AMPD3: variants seen among roughly 807,000 people sequenced by gnomAD.
AMPD3 encodes the protein adenosine monophosphate deaminase 3.
In AMPD3, 57 loss-of-function variants were observed where a neutral mutation model predicts 82.3. The ratio of observed to expected loss-of-function variants is 0.69; its 90% CI spans 0.56 to 0.86. The LOEUF is 0.86. Ranked by LOEUF, AMPD3 falls within the 40% of genes least tolerant of loss-of-function variation. The pLI is 0.00. For missense variants in AMPD3, 870 were observed against 1,003.8 expected (o/e 0.87, Z 1.80); for synonymous variants, 381 against 394.7 (o/e 0.97, Z 0.41).
chr11:10,505,168 T>C (rs900574744), intron 14 of AMPD3: 1 of 985,304 alleles, frequency 1.0e-6, no homozygotes, highest in African/African-American at 1.7e-5. Flanking sequence ...AAAAGCCTGA[T>C]GAGGAGCTGG....
intron 1 of AMPD3, among the ~76,000 whole-genome samples, chr11:10,460,165 A>G (rs1342292634): frequency 6.6e-6 from 1 of 150,880 alleles, no homozygotes. Context: ...TAGTACGATC[A>G]TAACTCACTG....
intron 2 of AMPD3, among the ~76,000 whole-genome samples, chr11:10,468,265 G>C (rs1176394755): frequency 6.6e-6 from 1 of 151,932 alleles, no homozygotes; most frequent in Admixed American, 6.6e-5. Context: ...GCTGTATTCA[G>C]GAGACTCATC....
intron 10 of AMPD3, among the ~76,000 whole-genome samples, chr11:10,497,937 G>A (rs1475646706): frequency 3.9e-5 from 6 of 152,174 alleles, no homozygotes; most frequent in South Asian, 2.1e-4. Flanking sequence ...TGTTGGACAC[G>A]GTGTTGAGTG....
At chr11:10,504,057 C>T in intron 13 of AMPD3, 1 of 972,940 alleles carries the variant, frequency 1.0e-6, no homozygotes, top group Non-Finnish European at 1.2e-6. Flanking sequence ...TACCACTTAT[C>T]CTATGATCAC....
At position 10,455,357 on chromosome 11, in the gene AMPD3, T is replaced by G; in HGVS notation, c.-97T>G. The stretch of plus-strand genomic sequence containing the variant: ...GGTTTTAGAGGATTGCTCCTGTGGG[T>G]CACTTGAGGCAGGCTCCACCTTCCC... On this transcript the variant is annotated 5_prime_UTR_variant, in exon 1 of 15. Transcript: ENST00000396553. 1.0e-6 allele frequency: 1 copy of G among 985,348 alleles called. No homozygotes were observed. The highest frequency in any genetic ancestry group is 1.2e-6 in the Non-Finnish European group (1 of 829,974). The allele number at this position is 985,348 out of a possible 1,614,324, so 61.0% of individuals were successfully genotyped here.
chr11:10,455,073 C>A, upstream of AMPD3: 1 of 836,930 alleles, frequency 1.2e-6, no homozygotes, highest in Non-Finnish European at 1.4e-6. Context: ...ATTGGACATG[C>A]GGAGGTGACT....
At chr11:10,494,781 A>G in intron 7 of AMPD3, 118 bp from the exon 8 acceptor site, 6 of 1,582,980 alleles carry the variant, frequency 3.8e-6, no homozygotes, top group Non-Finnish European at 5.2e-6. Context: ...GCAAGAATTG[A>G]CATAGAAGAT....
At chr11:10,498,176 G>A (rs1193925586) in intron 10 of AMPD3, among the ~76,000 whole-genome samples, 1 of 152,242 alleles carries the variant, frequency 6.6e-6, no homozygotes, top group East Asian at 1.9e-4. Flanking sequence ...TCTGAGGTGT[G>A]GCAGCGCAGG....
At chr11:10,451,048 G>A (rs1346845935), upstream of AMPD3, 2 of 1,577,882 alleles carry the variant, frequency 1.3e-6, no homozygotes, top group Admixed American at 1.7e-5. Flanking sequence ...AACCCGGTGA[G>A]TGCGCGCGAG....
At chr11:10,489,512 C>G (rs1253643839) in intron 6 of AMPD3, among the ~76,000 whole-genome samples, 1 of 152,156 alleles carries the variant, frequency 6.6e-6, no homozygotes, top group East Asian at 1.9e-4. Context: ...CCCCAGGGTT[C>G]TCCTGCAGTC....
chr11:10,453,572 CTTTCTT>C (rs562272145), upstream of AMPD3, among the ~76,000 whole-genome samples: 203 of 151,890 alleles, frequency 1.3e-3, no homozygotes, highest in African/African-American at 4.4e-3. Context: ...AGAGTGATAT[CTTTCTT>C]TTTCTTTTTC....
intron 1 of AMPD3, among the ~76,000 whole-genome samples, chr11:10,459,841 G>A (rs1848206483): frequency 6.6e-6 from 1 of 151,920 alleles, no homozygotes; most frequent in Non-Finnish European, 1.5e-5. Flanking sequence ...TCCCTGAGCT[G>A]AGGATCAGAG....
intron 5 of AMPD3, chr11:10,486,815 G>A: frequency 1.0e-6 from 1 of 985,412 alleles, no homozygotes; most frequent in Non-Finnish European, 1.2e-6. Flanking sequence ...AAGGAAAGGA[G>A]GAGATGAAGG....
In AMPD3 at chr11:10,502,705, G is replaced by A. The variant is rs377498209; in HGVS notation, c.1843-16G>A. On this transcript the variant is annotated splice_polypyrimidine_tract_variant and intron_variant, in intron 12 of 14. Coordinates refer to ENST00000396553, the MANE Select transcript of AMPD3 (RefSeq NM_001025389.2). Reference sequence around the variant, plus strand: ...TCTCTGGCACTTGTCACATGAGTTCGGTGGTTCTTTTGCAGAGTCCGGTAT... The same window carrying A: ...TCTCTGGCACTTGTCACATGAGTTCAGTGGTTCTTTTGCAGAGTCCGGTAT... 5.6e-6 allele frequency: 9 copies of A among 1,613,776 alleles called. No individual in the cohort carries two copies. The highest frequency in any genetic ancestry group is 1.7e-5 in the Admixed American group (1 of 60,026).
chr11:10,469,768 G>A (rs999099470), intron 2 of AMPD3, among the ~76,000 whole-genome samples: 3 of 152,104 alleles, frequency 2.0e-5, no homozygotes, highest in African/African-American at 2.4e-5. Context: ...GGCCGGGCGC[G>A]GTGGCTCACG....
chr11:10,477,016 C>T (rs967137616), intron 2 of AMPD3: 11 of 985,368 alleles, frequency 1.1e-5, no homozygotes, highest in Non-Finnish European at 1.3e-5. Context: ...GATGTGATAA[C>T]ACAGGGTAGG....
chr11:10,479,676 C>G (rs1264951845), intron 3 of AMPD3, among the ~76,000 whole-genome samples: 1 of 152,194 alleles, frequency 6.6e-6, no homozygotes, highest in Non-Finnish European at 1.5e-5. Context: ...ATTATTTATG[C>G]ATACATAGTT....
chr11:10,469,742 C>T (rs535661893), intron 2 of AMPD3, among the ~76,000 whole-genome samples: 6 of 152,228 alleles, frequency 3.9e-5, no homozygotes, highest in South Asian at 4.2e-4. Flanking sequence ...TGATGAACAT[C>T]GATGTAAAAG....
chr11:10,495,698 C>G lies in AMPD3; in HGVS notation c.1395C>G (p.Pro465=). 1 of 1,614,136 alleles carries G rather than the reference C, an allele frequency of 6.2e-7. No individual in the cohort carries two copies. Among genetic ancestry groups the G allele is most frequent in the Non-Finnish European group, 8.5e-7 (1 of 1,180,026 alleles). ...TCATCCAGCACAAGGTCTACTCTCC[C>G]AACATGCGCTGGATCATCCAGGTGC... is the stretch of plus-strand genomic sequence containing the variant. The part of the protein sequence containing the change: ...YWFIQHKVYS[P]NMRWIIQVPR... The change falls in exon 9 of 15, where the codon CCC becomes CCG. Residue 465 remains proline (P), a synonymous_variant. Coordinates refer to ENST00000396553, the MANE Select transcript of AMPD3 (RefSeq NM_001025389.2).
Sources: allele counts gnomAD v4.1 joint callset (sites outside exome capture counted in the v4.1 genomes callset), GRCh38; gene constraint gnomAD v4.1.1; transcripts MANE v1.5; gene names NCBI Gene and HGNC (gene_info 2026-07-23, HGNC 2026-07-21).